Variants in PRMT2 observed in about 807,000 individuals in gnomAD.
PRMT2 encodes the protein protein arginine methyltransferase 2, also known as protein arginine N-methyltransferase 2.
PRMT2 carries 26 observed loss-of-function variants against 57.6 expected under a neutral mutation model. That is an observed-to-expected ratio of 0.45 (90% CI 0.33 to 0.63). The LOEUF (loss-of-function observed/expected upper bound fraction) is 0.63, where lower values mean the gene tolerates loss of function less well. PRMT2 is among the 20% of genes least tolerant of loss of function. The probability of loss-of-function intolerance (pLI) is 0.02; values close to 1 mark genes in which losing one functional copy is unlikely to be tolerated. For missense variants in PRMT2, 472 were observed against 564.4 expected (o/e 0.84, Z 1.66); for synonymous variants, 219 against 220.0 (o/e 1.00, Z 0.04).
At chr21:46,653,545 G>T in intron 7 of PRMT2, 1 of 1,035,576 alleles carries the variant, frequency 9.7e-7, no homozygotes, top group South Asian at 3.2e-5. Context: ...ACCCTGCAGA[G>T]GCCACAACCA....
At chr21:46,640,778 C>T (rs533324999) in intron 3 of PRMT2, among the ~76,000 whole-genome samples, 1 of 150,642 alleles carries the variant, frequency 6.6e-6, no homozygotes, top group African/African-American at 2.4e-5. Flanking sequence ...CATCTTCTGT[C>T]TTCTTTTTTG....
intron 3 of PRMT2, among the ~76,000 whole-genome samples, chr21:46,641,357 C>G (rs2061271275): frequency 6.6e-6 from 1 of 152,154 alleles, no homozygotes; most frequent in African/African-American, 2.4e-5. Context: ...AGGGTTCTAA[C>G]AGTTGGAGAG....
In PRMT2 at chr21:46,663,454, C is replaced by T. The variant is rs774024852; in HGVS notation, c.1169C>T (p.Thr390Met). The T allele has an allele frequency of 8.1e-6, 13 of 1,614,194 alleles. No individual in the cohort carries two copies. The highest frequency in any genetic ancestry group is 6.7e-5 in the East Asian group (3 of 44,882). ...PVPVHTGDVV[T>M]GSVVLQRNPV... is the part of the protein sequence containing the mutation. ...CCTGTCCATACAGGAGACGTGGTCA[C>T]GGGTTCAGTTGTGTTGCAGAGAAAC... Residue 390 changes from threonine to methionine, a missense_variant, in exon 11 of 12, where the codon ACG becomes ATG. This residue lies in a region of PRMT2 where 229 missense variants were observed against 217.2 expected (regional missense o/e 1.05). Coordinates refer to ENST00000355680, the MANE Select transcript of PRMT2 (RefSeq NM_206962.4).
intron 7 of PRMT2, chr21:46,652,119 T>C: frequency 6.7e-7 from 1 of 1,483,258 alleles, no homozygotes; most frequent in Non-Finnish European, 8.9e-7. Context: ...GAGATGGTGC[T>C]GGAACGACTG....
intron 8 of PRMT2, chr21:46,660,111 G>A (rs934594994): frequency 6.2e-6 from 6 of 970,816 alleles, no homozygotes; most frequent in Non-Finnish European, 7.3e-6. Flanking sequence ...AAATATAGTG[G>A]AATCTTTATT....
chr21:46,661,155 G>T (rs946743188), intron 9 of PRMT2, 193 bp downstream of exon 9: 4 of 517,878 alleles, frequency 7.7e-6, no homozygotes, highest in Non-Finnish European at 1.3e-5. Flanking sequence ...TCTTTTTTAC[G>T]TTCTATTTTG....
intron 3 of PRMT2, among the ~76,000 whole-genome samples, chr21:46,638,338 G>A (rs887812056): frequency 2.6e-5 from 4 of 152,166 alleles, no homozygotes; most frequent in South Asian, 2.1e-4. Flanking sequence ...GTAGATATGT[G>A]TATGGGCCTG....
intron 7 of PRMT2, among the ~76,000 whole-genome samples, chr21:46,656,279 C>G (rs1295821712): frequency 1.3e-5 from 2 of 152,314 alleles, no homozygotes; most frequent in East Asian, 1.9e-4. Flanking sequence ...GATGCCCAAT[C>G]CTGAACTTTC....
chr21:46,662,291 C>A (rs912193724), intron 10 of PRMT2, among the ~76,000 whole-genome samples: 1 of 152,202 alleles, frequency 6.6e-6, no homozygotes, highest in African/African-American at 2.4e-5. Context: ...GTTCACCTGA[C>A]GTTTTTGGAG....
chr21:46,641,489 A>G (rs2061273631), intron 3 of PRMT2, among the ~76,000 whole-genome samples: 1 of 152,132 alleles, frequency 6.6e-6, no homozygotes, highest in Non-Finnish European at 1.5e-5. Flanking sequence ...GGAGTTCGAG[A>G]CCAGCCTGGC....
chr21:46,653,978 G>A (rs2061502302), intron 7 of PRMT2: 7 of 995,354 alleles, frequency 7.0e-6, no homozygotes, highest in Admixed American at 6.6e-5. Flanking sequence ...GAACTTTCAC[G>A]TCATAAAAAA....
chr21:46,644,747 T>G (rs140301381), intron 5 of PRMT2, among the ~76,000 whole-genome samples: 1 of 152,312 alleles, frequency 6.6e-6, no homozygotes, highest in African/African-American at 2.4e-5. Context: ...CACAAAGTAT[T>G]TTCTTTTGAT....
chr21:46,653,936 GTTTTTT>G, intron 7 of PRMT2: 1 of 958,750 alleles, frequency 1.0e-6, no homozygotes, highest in Non-Finnish European at 1.2e-6. Flanking sequence ...TTCTTTTCTT[GTTTTTT>G]TTTTTTTTTG....
intron 3 of PRMT2, among the ~76,000 whole-genome samples, chr21:46,640,335 C>T (rs2061249578): frequency 6.6e-6 from 1 of 150,746 alleles, no homozygotes; most frequent in Non-Finnish European, 1.5e-5. Flanking sequence ...TTCTTGCATT[C>T]TGTGTTTTCA....
intron 7 of PRMT2, among the ~76,000 whole-genome samples, chr21:46,651,635 C>T (rs1314924993): frequency 3.9e-5 from 6 of 152,094 alleles, no homozygotes; most frequent in African/African-American, 1.5e-4. Flanking sequence ...GACTGAGGGA[C>T]CACCACCATC....
At chr21:46,661,140 T>TTTTTTC in intron 9 of PRMT2, 178 bp downstream of exon 9, 1 of 595,854 alleles carries the variant, frequency 1.7e-6, no homozygotes. Context: ...TTTTCCAGTC[T>TTTTTTC]TTTTTCTTTT....
intron 10 of PRMT2, among the ~76,000 whole-genome samples, chr21:46,662,353 C>T (rs924644381): frequency 2.6e-5 from 4 of 152,364 alleles, no homozygotes; most frequent in Non-Finnish European, 4.4e-5. Flanking sequence ...GCATGTGTGG[C>T]AGTGGAGCTG....
chr21:46,658,969 C>T, intron 8 of PRMT2, 49 bp downstream of exon 8: 6 of 1,580,470 alleles, frequency 3.8e-6, no homozygotes, highest in Non-Finnish European at 5.2e-6. Flanking sequence ...GCCTCCTGGT[C>T]CACAGTCTGC....
In PRMT2 at chr21:46,643,621, T is replaced by C. The variant is rs368797822; in HGVS notation, c.126T>C (p.Ala42=). Residue 42 remains alanine (A), a synonymous_variant, in exon 4 of 12, where the codon GCT becomes GCC. Coordinates refer to ENST00000355680, the MANE Select transcript of PRMT2 (RefSeq NM_206962.4). The stretch of plus-strand genomic sequence containing the variant: ...AGTTTGTGGCCATCGCGGACTACGC[T>C]GCCACCGATGAGACCCAGGTAGCCA... ...PEEFVAIADY[A]ATDETQLSFL... The C allele has an allele frequency of 3.3e-5, 53 of 1,609,792 alleles. No individual in the cohort carries two copies. The highest frequency in any genetic ancestry group is 4.5e-5 in the Non-Finnish European group (53 of 1,178,900).
Sources: allele counts gnomAD v4.1 joint callset (sites outside exome capture counted in the v4.1 genomes callset), GRCh38; gene constraint gnomAD v4.1.1; regional missense constraint gnomAD v4.1.1; transcripts MANE v1.5; gene names NCBI Gene and HGNC (gene_info 2026-07-23, HGNC 2026-07-21).